NEURL4: variants seen among roughly 807,000 people sequenced by gnomAD.
NEURL4 encodes the protein neuralized E3 ubiquitin protein ligase 4, also known as neuralized-like protein 4.
A neutral mutation model predicts 148.0 loss-of-function variants in NEURL4; 45 were observed. The observed-to-expected ratio is 0.30, with a 90% CI of 0.24 to 0.39. NEURL4 has a LOEUF of 0.39. Among genes scored for constraint, NEURL4 ranks in the 10% least tolerant of loss-of-function variants. The pLI, the probability that NEURL4 is intolerant of heterozygous loss-of-function variation, is 1.00. For synonymous variants in NEURL4, 854 were observed against 869.0 expected (o/e 0.98, Z 0.30); for missense variants, 1,776 against 2,144.0 (o/e 0.83, Z 3.39).
Position 7,320,828 on chromosome 17 carries a change from T to C in NEURL4, c.3456A>G (p.Thr1152=). Residue 1152 remains threonine, a synonymous_variant, in exon 21 of 29, where the codon ACA becomes ACG. Transcript: ENST00000399464. The stretch of plus-strand genomic sequence containing the variant: ...TGCCCTGATTGTAGCTGGCCACCCG[T>C]GTGGCCGTACGGTTCCCATTAGACA... The part of the protein sequence containing the change: ...ILLSNGNRTA[T]RVASYNQGIV... The C allele has an allele frequency of 1.2e-6, 2 of 1,613,892 alleles. No individual in the cohort carries two copies. The highest frequency in any genetic ancestry group is 1.7e-6 in the Non-Finnish European group (2 of 1,179,808).
chr17:7,323,948 G>A lies in NEURL4; in HGVS notation c.2127C>T (p.Ser709=). 6.2e-7 allele frequency: 1 copy of A among 1,613,152 alleles called. No homozygotes were observed. Among genetic ancestry groups the A allele is most frequent in the Non-Finnish European group, 8.5e-7 (1 of 1,180,034 alleles). The part of the protein sequence containing the change: ...GNNQVSPSSP[S]SGAGGSDLRF... ...GCAGGTCAGAGCCCCCGGCCCCTGA[G>A]GACGGAGAGCTTGGAGACACCTGGT... Residue 709 remains serine (S), a synonymous_variant, in exon 12 of 29, where the codon TCC becomes TCT. Transcript: ENST00000399464.
Position 7,327,453 on chromosome 17 carries a change from G to A in NEURL4, c.714C>T (p.Thr238=), listed in dbSNP as rs755547256. Residue 238 remains threonine (T), a synonymous_variant, in exon 2 of 29, where the codon ACC becomes ACT. Transcript: ENST00000399464. The surrounding 1 kb of genome is among the most constrained non-coding windows in gnomAD (Gnocchi z 6.6). ...CTGTGTTCTCACCTTCATCTGCAGA[G>A]GTCCCCTGTTCAGCCAAGGCAGAGT... ...TEDSALAEQG[T]SADEAFMVSP... The A allele has an allele frequency of 6.4e-7, 1 of 1,556,670 alleles. No homozygotes were observed. The highest frequency in any genetic ancestry group is 1.2e-5 in the South Asian group (1 of 81,670).
rs372600592 is a variant in NEURL4 at position 7,321,966 on chromosome 17, C to T, written c.2770G>A (p.Val924Ile). 4.2e-5 allele frequency: 67 copies of T among 1,613,046 alleles called. No homozygotes were observed. Among genetic ancestry groups the T allele is most frequent in the Non-Finnish European group, 5.3e-5 (63 of 1,179,886 alleles). The change falls in exon 17 of 29, where the codon GTC (valine) becomes ATC (isoleucine). Residue 924 changes from valine (V) to isoleucine (I), a missense_variant. Transcript: ENST00000399464. The surrounding 1 kb of genome is among the most constrained non-coding windows in gnomAD (Gnocchi z 6.3). ...CTCGTGCCATCCTCCTCTAGAGTGA[C>T]GTTCTTGCCGCAAGTACTGTGGAAT... is the stretch of plus-strand genomic sequence containing the variant. ...HRFHSTCGKN[V>I]TLEEDGTRAV...
chr17:7,318,120 C>G lies in NEURL4; in HGVS notation c.4005G>C (p.Lys1335Asn). Residue 1335 changes from lysine (K) to asparagine (N), a missense_variant, in exon 25 of 29, where the codon AAG becomes AAC. Lys to Asn is a moderately conservative substitution (Grantham distance 94, BLOSUM62 0). Transcript: ENST00000399464. This position sits in a 1 kb window ranked among gnomAD's most constrained non-coding sequence, Gnocchi z 4.3. ...WGPPPAASPL[K>N]SCEYHALCSR... ...AGCAAAGGGCATGGTACTCGCAGCT[C>G]TTTAGAGGACTAGCGGCAGGTGGTG... The G allele has an allele frequency of 6.2e-7, 1 of 1,614,186 alleles. No individual in the cohort carries two copies. Among genetic ancestry groups the G allele is most frequent in the Non-Finnish European group, 8.5e-7 (1 of 1,180,042 alleles).
Position 7,322,374 on chromosome 17 carries a change from T to C in NEURL4, c.2725+361A>G, listed in dbSNP as rs919978486. On this transcript the variant is annotated intron_variant, in intron 16 of 28. Coordinates refer to ENST00000399464, the MANE Select transcript of NEURL4 (RefSeq NM_032442.3). The surrounding 1 kb of genome is among the most constrained non-coding windows in gnomAD (Gnocchi z 5.5). ...GGTTTCGCCATGTTTCCCAGGCTGG[T>C]CTCAAACTCTTGTGCTCGAGAGATC... Among the ~76,000 whole-genome samples the C allele has an allele frequency of 6.6e-6, 1 of 152,168 alleles. No individual in the cohort carries two copies. Among genetic ancestry groups the C allele is most frequent in the African/African-American group, 2.4e-5 (1 of 41,430 alleles).
chr17:7,316,384 G>T, intron 28 of NEURL4, 57 bp from the exon 29 acceptor site: 3 of 1,421,698 alleles, frequency 2.1e-6, no homozygotes, highest in South Asian at 1.2e-5. Flanking sequence ...CCTCCCCCTT[G>T]CAAAGTCTGT....
rs547750677 is a variant in NEURL4 at position 7,326,210 on chromosome 17, G to T, written c.1293+45C>A. 104 of 1,581,754 alleles carry T rather than the reference G, an allele frequency of 6.6e-5. 3 individuals carry two copies. The South Asian group carries it at 1.1e-3, about 17-fold the overall frequency. ...GCCCTGGCAGGGACACAGAGTACCTGTGGCTCTGCTGAAAGCGGCCCAGGG... is the reference window on the plus strand; with the variant it reads ...GCCCTGGCAGGGACACAGAGTACCTTTGGCTCTGCTGAAAGCGGCCCAGGG... On this transcript the variant is annotated intron_variant, in intron 6 of 28. Transcript: ENST00000399464. This position sits in a 1 kb window ranked among gnomAD's most constrained non-coding sequence, Gnocchi z 6.0.
At chr17:7,323,457 A>G in intron 14 of NEURL4, 28 bp downstream of exon 14, 1 of 1,612,526 alleles carries the variant, frequency 6.2e-7, no homozygotes, top group East Asian at 2.2e-5. Context: ...CTCAGCCCCA[A>G]GCTGGTCCCC....
At position 7,324,529 on chromosome 17, in the gene NEURL4, C is replaced by A; in HGVS notation, c.1814-49G>T. 1 of 1,539,504 alleles carries A rather than the reference C, an allele frequency of 6.5e-7. No homozygotes were observed. The highest frequency in any genetic ancestry group is 9.0e-7 in the Non-Finnish European group (1 of 1,112,724). ...GGACATGAGGGGAAATGCAGGGCTC[C>A]TCTCCTTGCCACAGCAGCGCCCACA... On this transcript the variant is annotated intron_variant, in intron 9 of 28. Coordinates refer to ENST00000399464, the MANE Select transcript of NEURL4 (RefSeq NM_032442.3). The surrounding 1 kb of genome is among the most constrained non-coding windows in gnomAD (Gnocchi z 5.9).
At chr17:7,319,509 T>TGTTG (rs959511643) in intron 21 of NEURL4, among the ~76,000 whole-genome samples, 7 of 150,238 alleles carry the variant, frequency 4.7e-5, no homozygotes, top group Admixed American at 1.3e-4. Context: ...GAGACCAGCC[T>TGTTG]GACCAACATG....
intron 14 of NEURL4, 36 bp downstream of exon 14, chr17:7,323,449 C>G: frequency 6.2e-7 from 1 of 1,608,528 alleles, no homozygotes; most frequent in Non-Finnish European, 8.5e-7. Context: ...CAGCTCCACT[C>G]AGCCCCAAGC....
In NEURL4 at chr17:7,315,703, G is replaced by A. The variant is rs2072932124; in HGVS notation, c.*420C>T. 5 of 449,556 alleles carry A rather than the reference G, an allele frequency of 1.1e-5. No individual in the cohort carries two copies. In the Admixed American group the frequency reaches 1.9e-4, roughly 18 times the overall value. 27.8% of individuals were successfully genotyped at this position (449,556 alleles called of 1,614,324 possible). ...AACTGTACAGAGGCCCCCATCTTCC[G>A]TGCGCCCACCCTTCCCCACTCCCGC... On this transcript the variant is annotated 3_prime_UTR_variant, in exon 29 of 29. Coordinates refer to ENST00000399464, the MANE Select transcript of NEURL4 (RefSeq NM_032442.3).
rs760985985 is a variant in NEURL4 at position 7,321,069 on chromosome 17, C to T, written c.3360+43G>A. On this transcript the variant is annotated intron_variant, in intron 20 of 28. Transcript: ENST00000399464. This position sits in a 1 kb window ranked among gnomAD's most constrained non-coding sequence, Gnocchi z 6.3. ...GGCCTGGCATCCAACGGCCCAGCAA[C>T]TGCCCATCCATGTGCACAGCAGACC... 5 of 1,602,436 alleles carry T rather than the reference C, an allele frequency of 3.1e-6. No homozygotes were observed. Among genetic ancestry groups the T allele is most frequent in the South Asian group, 1.1e-5 (1 of 90,500 alleles).
rs2073144633 is a variant in NEURL4 at position 7,329,281 on chromosome 17, G to C, written c.32C>G (p.Ser11Cys). The change falls in exon 1 of 29, where the codon TCT becomes TGT. Residue 11 changes from serine (S) to cysteine (C), a missense_variant. Coordinates refer to ENST00000399464, the MANE Select transcript of NEURL4 (RefSeq NM_032442.3). The stretch of plus-strand genomic sequence containing the variant: ...CGGCCCCGGTCCAGGGCCTCCCCCA[G>C]AGCCCCCACTCCCACCCGACCCTGC... MAAGSGGSGG[S>C]GGGPGPGPGG... 5 of 881,996 alleles carry C rather than the reference G, an allele frequency of 5.7e-6. No homozygotes were observed. Among genetic ancestry groups the C allele is most frequent in the Non-Finnish European group, 7.6e-6 (5 of 655,500 alleles). The allele number at this position is 881,996 out of a possible 1,614,324, so 54.6% of individuals were successfully genotyped here. A position where few individuals can be genotyped will look rare whatever the true frequency, so the allele number is the denominator to read the frequency against.
At position 7,324,617 on chromosome 17, in the gene NEURL4, G is replaced by T; in HGVS notation, c.1814-137C>A. ...GATGACTAGATTTCTTCCCTGAGCAGGACAAGAAAACTCTGCAGCTTCCAA... is the reference window on the plus strand; with the variant it reads ...GATGACTAGATTTCTTCCCTGAGCATGACAAGAAAACTCTGCAGCTTCCAA... On this transcript the variant is annotated intron_variant, in intron 9 of 28. Transcript: ENST00000399464. This position sits in a 1 kb window ranked among gnomAD's most constrained non-coding sequence, Gnocchi z 5.9. 9.3e-7 allele frequency: 1 copy of T among 1,075,384 alleles called. No individual in the cohort carries two copies. Among genetic ancestry groups the T allele is most frequent in the Non-Finnish European group, 1.4e-6 (1 of 731,098 alleles). 66.6% of individuals were successfully genotyped at this position (1,075,384 alleles called of 1,614,324 possible). A position where few individuals can be genotyped will look rare whatever the true frequency, so the allele number is the denominator to read the frequency against.
At chr17:7,317,421 C>T in intron 27 of NEURL4, 40 bp downstream of exon 27, 1 of 1,613,110 alleles carries the variant, frequency 6.2e-7, no homozygotes, top group Non-Finnish European at 8.5e-7. Flanking sequence ...CCACAGCCCC[C>T]CAGGCTCAGC....
At position 7,323,052 on chromosome 17, in the gene NEURL4, G is replaced by A. The variant is rs1196214760; in HGVS notation, c.2489C>T (p.Thr830Ile). ...TCGCATCATGCCAATGCGTGCACCT[G>A]TGCCCAGCGCATCCAGGTCACACCC... is the stretch of plus-strand genomic sequence containing the variant. ...NYGCDLDALG[T>I]GARIGMMRTA... Residue 830 changes from threonine (T) to isoleucine (I), a missense_variant, in exon 15 of 29, where the codon ACA becomes ATA. Thr to Ile is a moderately conservative substitution (Grantham distance 89, BLOSUM62 -1). Coordinates refer to ENST00000399464, the MANE Select transcript of NEURL4 (RefSeq NM_032442.3). 6.2e-7 allele frequency: 1 copy of A among 1,613,812 alleles called. No individual in the cohort carries two copies. The highest frequency in any genetic ancestry group is 2.2e-5 in the East Asian group (1 of 44,894).
At chr17:7,317,672 T>G in intron 26 of NEURL4, 99 bp from the exon 27 acceptor site, 1 of 1,566,510 alleles carries the variant, frequency 6.4e-7, no homozygotes, top group East Asian at 2.2e-5. Context: ...TCCCTGGCAC[T>G]TCCTGGCTTT....
In NEURL4 at chr17:7,323,605, A is replaced by G. The variant is rs759634090; in HGVS notation, c.2338+42T>C. ...GTAAGTCAAGGCCGATCCCCAAGGC[A>G]CAGACATCCAACAGCCCCCAACACA... On this transcript the variant is annotated intron_variant, in intron 13 of 28. Coordinates refer to ENST00000399464, the MANE Select transcript of NEURL4 (RefSeq NM_032442.3). The G allele has an allele frequency of 3.1e-6, 5 of 1,613,944 alleles. No homozygotes were observed. The South Asian group carries it at 5.5e-5, about 18-fold the overall frequency.
Sources: allele counts gnomAD v4.1 joint callset (sites outside exome capture counted in the v4.1 genomes callset), GRCh38; gene constraint gnomAD v4.1.1; non-coding constraint Gnocchi (gnomAD v3.1); transcripts MANE v1.5; gene names NCBI Gene and HGNC (gene_info 2026-07-23, HGNC 2026-07-21).